The following LRRC7 variants were observed in gnomAD, a reference collection of about 807,000 sequenced individuals.
The protein encoded by LRRC7 is leucine-rich repeat-containing protein 7.
A neutral mutation model predicts 175.7 loss-of-function variants in LRRC7; 23 were observed. That is an observed-to-expected ratio of 0.13 (90% CI 0.09 to 0.19). LRRC7 has a LOEUF of 0.19. LRRC7 is among the 10% of genes least tolerant of loss of function. The pLI is 1.00. For synonymous variants in LRRC7, 685 were observed against 680.9 expected (o/e 1.01, Z -0.09); for missense variants, 1,354 against 1,904.7 (o/e 0.71, Z 5.38).
chr1:69,909,206 G>C (rs976875434), intron 7 of LRRC7, among the ~76,000 whole-genome samples: 1 of 152,022 alleles, frequency 6.6e-6, no homozygotes, highest in South Asian at 2.1e-4. Context: ...ACACTGATGG[G>C]TCTTGACTCT....
intron 18 of LRRC7, among the ~76,000 whole-genome samples, chr1:70,030,557 T>C (rs1390412298): frequency 6.6e-6 from 1 of 152,228 alleles, no homozygotes; most frequent in Non-Finnish European, 1.5e-5. Flanking sequence ...TAACCAAGCA[T>C]TTAGCTGATC....
intron 25 of LRRC7, among the ~76,000 whole-genome samples, chr1:70,096,873 G>A (rs1205708927): frequency 2.0e-5 from 3 of 152,072 alleles, no homozygotes; most frequent in Non-Finnish European, 2.9e-5. Context: ...AGAGAGAATC[G>A]AGAATGACTT....
chr1:69,999,365 C>G (rs1269457036), intron 11 of LRRC7, among the ~76,000 whole-genome samples: 2 of 152,138 alleles, frequency 1.3e-5, no homozygotes, highest in East Asian at 3.9e-4. Flanking sequence ...AGGGAAGCTT[C>G]TTATTGAAAG....
chr1:70,013,039 A>G lies in LRRC7; in HGVS notation c.1200A>G (p.Glu400=), dbSNP rs1369722607. The change falls in exon 13 of 27, where the codon GAA becomes GAG. Residue 400 remains glutamate (E), a synonymous_variant. Coordinates refer to ENST00000651989, the MANE Select transcript of LRRC7 (RefSeq NM_001370785.2). ...LRSNKLEFLP[E]EIGQMQKLRV... ...CCAACAAATTAGAATTTCTTCCTGA[A>G]GAGATTGGACAGATGCAGAAACTAA... is the stretch of plus-strand genomic sequence containing the variant. 5 of 1,586,750 alleles carry G rather than the reference A, an allele frequency of 3.2e-6. No homozygotes were observed. Among genetic ancestry groups the G allele is most frequent in the Non-Finnish European group, 4.3e-6 (5 of 1,165,658 alleles).
chr1:70,048,601 C>T (rs919783879), intron 22 of LRRC7, among the ~76,000 whole-genome samples: 1 of 151,998 alleles, frequency 6.6e-6, no homozygotes, highest in Non-Finnish European at 1.5e-5. Context: ...ACATCATCTT[C>T]AAAATAATCT....
chr1:70,070,152 C>G (rs931704769), intron 23 of LRRC7, among the ~76,000 whole-genome samples: 1 of 152,084 alleles, frequency 6.6e-6, no homozygotes, highest in Non-Finnish European at 1.5e-5. Context: ...CATCACCACA[C>G]CTGGCTAATT....
intron 1 of LRRC7, 80 bp from the exon 2 acceptor site, chr1:69,678,301 T>C: frequency 9.6e-7 from 1 of 1,037,936 alleles, no homozygotes. Context: ...CTGTGGGAAT[T>C]TGAATTTTAG....
chr1:70,047,148 A>G (rs993187673), intron 22 of LRRC7, among the ~76,000 whole-genome samples: 2 of 152,278 alleles, frequency 1.3e-5, no homozygotes, highest in East Asian at 1.9e-4. Flanking sequence ...CAATTTTTAA[A>G]CAAACATTTT....
chr1:70,038,036 C>G, intron 20 of LRRC7, 77 bp from the exon 21 acceptor site: 1 of 1,512,126 alleles, frequency 6.6e-7, no homozygotes, highest in Non-Finnish European at 8.9e-7. Flanking sequence ...TGATGGCCCT[C>G]TTTGCTGCTT....
intron 23 of LRRC7, among the ~76,000 whole-genome samples, chr1:70,065,565 A>G (rs978600444): frequency 2.0e-5 from 3 of 151,982 alleles, no homozygotes; most frequent in African/African-American, 7.2e-5. Flanking sequence ...TAATGAGACC[A>G]AAGTCATGAG....
chr1:69,652,151 C>T (rs777595538), intron 1 of LRRC7, among the ~76,000 whole-genome samples: 8 of 151,944 alleles, frequency 5.3e-5, no homozygotes, highest in Non-Finnish European at 1.0e-4. Flanking sequence ...AGGAACTGTT[C>T]AGAACAATTA....
chr1:69,752,086 C>G (rs1669905311), intron 2 of LRRC7, among the ~76,000 whole-genome samples: 1 of 152,052 alleles, frequency 6.6e-6, no homozygotes, highest in Admixed American at 6.6e-5. Context: ...TTTCAAGAGT[C>G]AAAATATCAA....
Position 69,699,066 on chromosome 1 carries a change from G to A in LRRC7, c.100+20588G>A, listed in dbSNP as rs980366218. 9.2e-5 allele frequency among the ~76,000 whole-genome samples: 14 copies of A among 152,004 alleles called. No homozygotes were observed. In the South Asian group the frequency reaches 1.0e-3, roughly 11 times the overall value. On this transcript the variant is annotated intron_variant, in intron 2 of 26. Coordinates refer to ENST00000651989, the MANE Select transcript of LRRC7 (RefSeq NM_001370785.2). ...TCTAGGGTACACGTGCACAACGTGC[G>A]GTCTTGGTGGGACTGTAAACTAGTT...
chr1:70,036,237 C>T lies in LRRC7; in HGVS notation c.2107+5C>T. The T allele has an allele frequency of 6.2e-7, 1 of 1,602,440 alleles. No individual in the cohort carries two copies. The highest frequency in any genetic ancestry group is 1.1e-5 in the South Asian group (1 of 89,410). Reference sequence around the variant, plus strand: ...TGCTAGGGAAGGACAAAAAAGGTAACACTGTGAACCCAATGTGGAAAATAT... The same window carrying T: ...TGCTAGGGAAGGACAAAAAAGGTAATACTGTGAACCCAATGTGGAAAATAT... On this transcript the variant is annotated splice_donor_5th_base_variant and intron_variant, in intron 19 of 26. Coordinates refer to ENST00000651989, the MANE Select transcript of LRRC7 (RefSeq NM_001370785.2).
chr1:69,922,719 G>C (rs970625773), intron 7 of LRRC7, among the ~76,000 whole-genome samples: 3 of 152,074 alleles, frequency 2.0e-5, no homozygotes, highest in African/African-American at 7.2e-5. Flanking sequence ...AAATTAAGTG[G>C]TCAGTTCTCA....
At chr1:69,828,892 G>A (rs1680231034) in intron 5 of LRRC7, among the ~76,000 whole-genome samples, 1 of 151,708 alleles carries the variant, frequency 6.6e-6, no homozygotes, top group Non-Finnish European at 1.5e-5. Context: ...CTTGTAATAT[G>A]TTTTCATCAA....
intron 8 of LRRC7, among the ~76,000 whole-genome samples, chr1:69,978,732 A>C (rs1430302179): frequency 6.6e-6 from 1 of 152,130 alleles, no homozygotes; most frequent in Non-Finnish European, 1.5e-5. Context: ...AAGCCCTCCT[A>C]ATTTGTTAAG....
chr1:69,888,820 G>C (rs961956641), intron 7 of LRRC7, among the ~76,000 whole-genome samples: 1 of 152,120 alleles, frequency 6.6e-6, no homozygotes, highest in Non-Finnish European at 1.5e-5. Context: ...CAAACTTGCA[G>C]TTGTAAAATG....
chr1:69,996,340 C>CTT (rs1654964266), intron 11 of LRRC7, among the ~76,000 whole-genome samples: 1 of 151,972 alleles, frequency 6.6e-6, no homozygotes, highest in South Asian at 2.1e-4. Context: ...AAATTTTCTC[C>CTT]CATTTTGTAG....
Sources: allele counts gnomAD v4.1 joint callset (sites outside exome capture counted in the v4.1 genomes callset), GRCh38; gene constraint gnomAD v4.1.1; transcripts MANE v1.5; gene names NCBI Gene and HGNC (gene_info 2026-07-23, HGNC 2026-07-21).